Variants in LRBA observed in about 807,000 individuals in gnomAD.
LRBA encodes lipopolysaccharide-responsive and beige-like anchor protein.
In LRBA, 176 loss-of-function variants were observed where a neutral mutation model predicts 330.0. The ratio of observed to expected loss-of-function variants is 0.53; its 90% CI spans 0.47 to 0.60. The LOEUF (loss-of-function observed/expected upper bound fraction) is 0.60, where lower values mean the gene tolerates loss of function less well. LRBA is among the 20% of genes least tolerant of loss of function. The pLI is 0.00. For synonymous variants in LRBA, 1,230 were observed against 1,193.0 expected (o/e 1.03, Z -0.64); for missense variants, 3,259 against 3,444.8 (o/e 0.95, Z 1.35).
chr4:150,946,099 G>T (rs1338992316), intron 2 of LRBA, among the ~76,000 whole-genome samples: 1 of 152,096 alleles, frequency 6.6e-6, no homozygotes, highest in Admixed American at 6.6e-5. Flanking sequence ...TGCCCAGCCG[G>T]CATATTTCTT....
intron 37 of LRBA, among the ~76,000 whole-genome samples, chr4:150,621,995 C>T (rs1214808400): frequency 6.6e-6 from 1 of 152,108 alleles, no homozygotes; most frequent in African/African-American, 2.4e-5. Flanking sequence ...GTGGGACATA[C>T]TAGAGATGAA....
At chr4:150,662,990 A>C (rs1028976343) in intron 37 of LRBA, among the ~76,000 whole-genome samples, 7 of 152,248 alleles carry the variant, frequency 4.6e-5, no homozygotes, top group Middle Eastern at 3.4e-3. Flanking sequence ...ACAAAAAAAA[A>C]CAGATAAAAT....
At chr4:150,539,097 TC>T (rs1765026095) in intron 40 of LRBA, among the ~76,000 whole-genome samples, 1 of 152,108 alleles carries the variant, frequency 6.6e-6, no homozygotes, top group Non-Finnish European at 1.5e-5. Context: ...TGCTTCAGGC[TC>T]CCGAGTAGCT....
intron 37 of LRBA, among the ~76,000 whole-genome samples, chr4:150,675,085 G>A (rs1336136910): frequency 6.6e-6 from 1 of 152,042 alleles, no homozygotes; most frequent in Non-Finnish European, 1.5e-5. Flanking sequence ...GATGTGGCAT[G>A]AGCCTCAGGG....
At chr4:150,349,353 C>G (rs905400491) in intron 48 of LRBA, among the ~76,000 whole-genome samples, 1 of 152,016 alleles carries the variant, frequency 6.6e-6, no homozygotes, top group Non-Finnish European at 1.5e-5. Flanking sequence ...TCATTCAATT[C>G]TATAATTTTT....
At chr4:150,673,084 C>T (rs914363633) in intron 37 of LRBA, among the ~76,000 whole-genome samples, 8 of 152,090 alleles carry the variant, frequency 5.3e-5, no homozygotes, top group Non-Finnish European at 8.8e-5. Flanking sequence ...TACTCTTAAG[C>T]AAATCATTTA....
intron 40 of LRBA, among the ~76,000 whole-genome samples, chr4:150,502,727 C>A (rs1040358040): frequency 1.3e-5 from 2 of 152,164 alleles, no homozygotes; most frequent in African/African-American, 2.4e-5. Context: ...GTGCAGCGCA[C>A]CGTGCGTGAG....
intron 37 of LRBA, among the ~76,000 whole-genome samples, chr4:150,615,008 C>G (rs1775630252): frequency 6.6e-6 from 1 of 152,172 alleles, no homozygotes; most frequent in African/African-American, 2.4e-5. Flanking sequence ...AAGTAAGATG[C>G]TTAGAAATAA....
intron 47 of LRBA, among the ~76,000 whole-genome samples, chr4:150,371,182 A>ATTTTTTTTTTTTTTTTTTTTTTTT (rs70937395): frequency 1.1e-4 from 10 of 91,924 alleles, no homozygotes; most frequent in African/African-American, 3.4e-4. Context: ...AAGCTACTAA[A>ATTTTTTTTTTTTTTTTTTTTTTTT]TTTTTTTTTT....
At chr4:150,897,513 A>G (rs1730220385) in intron 15 of LRBA, among the ~76,000 whole-genome samples, 1 of 152,084 alleles carries the variant, frequency 6.6e-6, no homozygotes. Flanking sequence ...CTACTATACA[A>G]ATTTATATAA....
intron 34 of LRBA, among the ~76,000 whole-genome samples, chr4:150,774,214 C>T (rs1195807677): frequency 6.6e-6 from 1 of 152,122 alleles, no homozygotes; most frequent in Admixed American, 6.5e-5. Context: ...CACATTCTTC[C>T]ACTATCAGTT....
chr4:150,617,869 G>A (rs1157315563), intron 37 of LRBA, among the ~76,000 whole-genome samples: 1 of 152,132 alleles, frequency 6.6e-6, no homozygotes, highest in South Asian at 2.1e-4. Context: ...ACTTTGGGAG[G>A]CCAAGGTGGG....
intron 36 of LRBA, among the ~76,000 whole-genome samples, chr4:150,734,809 T>C (rs1730976724): frequency 6.6e-6 from 1 of 152,202 alleles, no homozygotes; most frequent in Non-Finnish European, 1.5e-5. Context: ...CAAATACTGT[T>C]ACGCTCTCAA....
intron 29 of LRBA, among the ~76,000 whole-genome samples, chr4:150,829,674 G>T (rs563878273): frequency 2.0e-5 from 3 of 152,074 alleles, no homozygotes; most frequent in African/African-American, 7.2e-5. Flanking sequence ...GGGACACAAG[G>T]TTCAGTCCTT....
At chr4:150,732,479 T>C (rs2127131654) in intron 36 of LRBA, among the ~76,000 whole-genome samples, 1 of 152,194 alleles carries the variant, frequency 6.6e-6, no homozygotes, top group South Asian at 2.1e-4. Context: ...ATCATTCTTT[T>C]TACTGTCTCT....
chr4:150,720,502 C>T (rs945123848), intron 36 of LRBA, among the ~76,000 whole-genome samples: 9 of 151,622 alleles, frequency 5.9e-5, no homozygotes, highest in African/African-American at 9.7e-5. Context: ...ATAAATATCC[C>T]GGACAAAATA....
intron 35 of LRBA, among the ~76,000 whole-genome samples, chr4:150,740,406 G>A (rs62346306): frequency 0.044 from 6,641 of 151,972 alleles, 163 homozygotes; most frequent in African/African-American, 0.063. Context: ...TTAGTTATTT[G>A]AAATACTGAA....
chr4:150,569,634 C>A (rs1769596018), intron 40 of LRBA, among the ~76,000 whole-genome samples: 1 of 152,174 alleles, frequency 6.6e-6, no homozygotes, highest in Non-Finnish European at 1.5e-5. Context: ...AATTCTGCTT[C>A]ATCAGCATAT....
chr4:150,971,211 A>G (rs868789266), intron 2 of LRBA, among the ~76,000 whole-genome samples: 2 of 152,170 alleles, frequency 1.3e-5, no homozygotes. Context: ...ATAATTTCAC[A>G]TTTCCCTTTC....
Sources: allele counts gnomAD v4.1 joint callset (sites outside exome capture counted in the v4.1 genomes callset), GRCh38; gene constraint gnomAD v4.1.1; transcripts MANE v1.5; gene names NCBI Gene and HGNC (gene_info 2026-07-23, HGNC 2026-07-21).